MBNL2: variants seen among roughly 807,000 people sequenced by gnomAD.
MBNL2 encodes the protein muscleblind-like protein 2.
Under a neutral mutation model 41.9 loss-of-function variants are expected in MBNL2, and 17 were observed. That is an observed-to-expected ratio of 0.41 (90% CI 0.28 to 0.61). The LOEUF is 0.61. Among genes scored for constraint, MBNL2 ranks in the 20% least tolerant of loss-of-function variants. The pLI is 0.35. For synonymous variants in MBNL2, 195 were observed against 182.9 expected (o/e 1.07, Z -0.53); for missense variants, 336 against 505.6 (o/e 0.66, Z 3.22).
rs139604789 is a variant in MBNL2, at chr13:97,266,265, A to T, written c.-604-9367A>T. 3.7e-4 allele frequency among the ~76,000 whole-genome samples: 56 copies of T among 152,316 alleles called. 1 individual carries two copies. The East Asian group carries it at 6.9e-3, about 19-fold the overall frequency. On this transcript the variant is annotated intron_variant, in intron 1 of 8. Transcript: ENST00000679496. The stretch of plus-strand genomic sequence containing the variant: ...TCACGAAAAATAAATAAATAAATTA[A>T]TTAATTAATTAAAACAAAACCAATT...
At chr13:97,193,287 C>A in the MBNL2 span, among the ~76,000 whole-genome samples, 1 of 152,234 alleles carries the variant, frequency 6.6e-6, no homozygotes, top group African/African-American at 2.4e-5. Context: ...AAGATACCCT[C>A]TTTTAGTTGG....
chr13:97,234,611 C>A (rs781260014), intron 1 of MBNL2, among the ~76,000 whole-genome samples: 2 of 152,164 alleles, frequency 1.3e-5, no homozygotes, highest in African/African-American at 4.8e-5. Flanking sequence ...AGGTAACAGC[C>A]CCCTCCAGAA....
chr13:97,267,935 G>A (rs11841104), intron 1 of MBNL2, among the ~76,000 whole-genome samples: 66,010 of 152,078 alleles, frequency 0.43, 17,573 homozygotes, highest in East Asian at 0.61. Flanking sequence ...GAATGCTTCC[G>A]ACAGGGGTTT....
At chr13:97,237,088 T>C (rs1219755079) in intron 1 of MBNL2, among the ~76,000 whole-genome samples, 2 of 152,168 alleles carry the variant, frequency 1.3e-5, no homozygotes, top group African/African-American at 2.4e-5. Context: ...TAAATAAGGA[T>C]GGCTAAGGAT....
the MBNL2 span, among the ~76,000 whole-genome samples, chr13:97,214,318 A>C: frequency 6.6e-6 from 1 of 152,206 alleles, no homozygotes; most frequent in African/African-American, 2.4e-5. Flanking sequence ...TAGAAATGCC[A>C]CATTAGCTTT....
chr13:97,335,315 G>A (rs971543623), intron 3 of MBNL2, among the ~76,000 whole-genome samples: 2 of 151,410 alleles, frequency 1.3e-5, no homozygotes, highest in Non-Finnish European at 2.9e-5. Flanking sequence ...AAGGCAGTGA[G>A]TGAAATGTGT....
chr13:97,355,831 T>A (rs2062934942), intron 5 of MBNL2, among the ~76,000 whole-genome samples: 2 of 152,330 alleles, frequency 1.3e-5, no homozygotes, highest in East Asian at 3.9e-4. Flanking sequence ...TTCCAAGAGT[T>A]CCACTTTTCA....
chr13:97,203,944 G>A, the MBNL2 span, among the ~76,000 whole-genome samples: 84 of 152,092 alleles, frequency 5.5e-4, 2 homozygotes, highest in South Asian at 1.7e-3. Context: ...ATGGACAGAC[G>A]GATGGATGGA....
chr13:97,207,122 T>C, the MBNL2 span, among the ~76,000 whole-genome samples: 1 of 152,148 alleles, frequency 6.6e-6, no homozygotes, highest in South Asian at 2.1e-4. Context: ...ACAGCTAAAG[T>C]GCTAGAGAAA....
intron 1 of MBNL2, among the ~76,000 whole-genome samples, chr13:97,243,872 T>C (rs1289488343): frequency 6.6e-6 from 1 of 152,150 alleles, no homozygotes; most frequent in Non-Finnish European, 1.5e-5. Context: ...GCATGGATCT[T>C]ATTTTGTTAT....
chr13:97,316,167 C>T (rs539457627), intron 2 of MBNL2, among the ~76,000 whole-genome samples: 2 of 152,326 alleles, frequency 1.3e-5, no homozygotes, highest in East Asian at 1.9e-4. Context: ...AATCCCCTTC[C>T]AGGGGCTCAG....
At chr13:97,370,701 C>T (rs568702853) in intron 8 of MBNL2, among the ~76,000 whole-genome samples, 2 of 151,410 alleles carry the variant, frequency 1.3e-5, no homozygotes, top group African/African-American at 2.4e-5. Context: ...AGAAAGAAAC[C>T]ATATAATGGA....
chr13:97,341,983 A>G (rs2061476871), intron 3 of MBNL2, among the ~76,000 whole-genome samples: 1 of 152,332 alleles, frequency 6.6e-6, no homozygotes, highest in African/African-American at 2.4e-5. Flanking sequence ...CTGCATTAAT[A>G]TGTAATTGCA....
chr13:97,300,164 A>AG (rs2057477635), intron 2 of MBNL2, among the ~76,000 whole-genome samples: 1 of 152,162 alleles, frequency 6.6e-6, no homozygotes, highest in Non-Finnish European at 1.5e-5. Context: ...GACTGTACAC[A>AG]TCACTTCCAC....
intron 1 of MBNL2, among the ~76,000 whole-genome samples, chr13:97,253,656 C>G (rs1422194992): frequency 1.3e-5 from 2 of 152,108 alleles, no homozygotes; most frequent in Non-Finnish European, 2.9e-5. Flanking sequence ...TTCAAATTTA[C>G]TAGTTTTATC....
chr13:97,334,359 T>A lies in MBNL2; in HGVS notation c.258T>A (p.Asn86Lys). ...KTQLEINGRN[N>K]LIQQKTAAAM... ...AACTAGAAATTAATGGAAGGAACAA[T>A]TTGATTCAGCAAAAAACTGCAGCAG... Residue 86 changes from asparagine to lysine, a missense_variant, in exon 3 of 9, where the codon AAT becomes AAA. By Grantham distance (94) the Asn-to-Lys change is moderately conservative. Transcript: ENST00000679496. This position sits in a 1 kb window ranked among gnomAD's most constrained non-coding sequence, Gnocchi z 5.3. 1 of 1,613,772 alleles carries A rather than the reference T, an allele frequency of 6.2e-7. No individual in the cohort carries two copies. Among genetic ancestry groups the A allele is most frequent in the Non-Finnish European group, 8.5e-7 (1 of 1,179,780 alleles).
intron 8 of MBNL2, among the ~76,000 whole-genome samples, chr13:97,383,494 T>C (rs2065665084): frequency 1.3e-5 from 2 of 152,356 alleles, no homozygotes; most frequent in East Asian, 1.9e-4. Flanking sequence ...AAAAATATTT[T>C]GTTCAAATAT....
chr13:97,375,285 C>A (rs773152255), intron 8 of MBNL2, among the ~76,000 whole-genome samples: 18 of 152,162 alleles, frequency 1.2e-4, no homozygotes, highest in Admixed American at 6.5e-5. Flanking sequence ...TAGAGGCCAC[C>A]AGGTTGGGGA....
At chr13:97,370,592 C>A (rs1283850451) in intron 8 of MBNL2, among the ~76,000 whole-genome samples, 1 of 151,658 alleles carries the variant, frequency 6.6e-6, no homozygotes, top group Non-Finnish European at 1.5e-5. Flanking sequence ...TTGCTTGAAC[C>A]CAGGAGGCAG....
Sources: gnomAD v4.1 joint callset for allele counts (sites outside exome capture counted in the v4.1 genomes callset) on GRCh38, gnomAD v4.1.1 for gene constraint, Gnocchi (gnomAD v3.1) non-coding constraint, MANE v1.5 for transcripts, NCBI Gene and HGNC (gene_info 2026-07-23, HGNC 2026-07-21) for gene names.